The following PRKD2 variants were observed in gnomAD, a reference collection of about 807,000 sequenced individuals.
The protein encoded by PRKD2 is protein kinase D2.
A neutral mutation model predicts 86.0 loss-of-function variants in PRKD2; 22 were observed. The ratio of observed to expected loss-of-function variants is 0.26; its 90% CI spans 0.18 to 0.37. The LOEUF is 0.37. Among genes scored for constraint, PRKD2 ranks in the 10% least tolerant of loss-of-function variants. The pLI is 1.00. For missense variants in PRKD2, 818 were observed against 1,199.2 expected, an observed-to-expected ratio of 0.68 and a Z score of 4.70; for synonymous variants, 509 against 510.9, an observed-to-expected ratio of 1.00 and a Z score of 0.05.
chr19:46,708,125 A>G (rs1038832965), intron 3 of PRKD2, among the ~76,000 whole-genome samples: 6 of 151,978 alleles, frequency 3.9e-5, no homozygotes, highest in Non-Finnish European at 7.4e-5. Context: ...ATATTTTTAA[A>G]CTATGATTTA....
chr19:46,714,768 T>TG (rs1223383606), intron 1 of PRKD2, among the ~76,000 whole-genome samples: 1 of 152,174 alleles, frequency 6.6e-6, no homozygotes, highest in Non-Finnish European at 1.5e-5. Flanking sequence ...AGGGACAATC[T>TG]GCCCCCGTAC....
chr19:46,693,937 C>A lies in PRKD2; in HGVS notation c.1514G>T (p.Arg505Leu), dbSNP rs201530743. 15 of 1,610,904 alleles carry A rather than the reference C, an allele frequency of 9.3e-6. No individual in the cohort carries two copies. Among genetic ancestry groups the A allele is most frequent in the Non-Finnish European group, 1.2e-5 (14 of 1,179,712 alleles). Reference sequence around the variant, plus strand: ...AAGGATGACGGGCATCAGGGCCTGGCGGATGGCTGTCTCCCAGCCCCGGGC... The same window carrying A: ...AAGGATGACGGGCATCAGGGCCTGGAGGATGGCTGTCTCCCAGCCCCGGGC... ...EAARGWETAI[R>L]QALMPVILQD... Residue 505 changes from arginine to leucine, a missense_variant, in exon 10 of 18, where the codon CGC (arginine) becomes CTC (leucine). This residue lies in a region of PRKD2 where 127 missense variants were observed against 157.8 expected (regional missense o/e 0.80). Coordinates refer to ENST00000291281, the MANE Select transcript of PRKD2 (RefSeq NM_016457.5). The surrounding 1 kb of genome is among the most constrained non-coding windows in gnomAD (Gnocchi z 4.5).
intron 3 of PRKD2, chr19:46,709,391 T>C (rs1351799708): frequency 6.3e-6 from 1 of 159,740 alleles, no homozygotes. Flanking sequence ...GAGACAGAGT[T>C]TTGCTCTTGT....
At chr19:46,683,428 A>T (rs1250358747) in intron 14 of PRKD2, among the ~76,000 whole-genome samples, 1 of 152,122 alleles carries the variant, frequency 6.6e-6, no homozygotes, top group Non-Finnish European at 1.5e-5. Flanking sequence ...TTTCATCCTT[A>T]CAAAAAACTT....
At chr19:46,675,500 A>G (rs990964745) in intron 16 of PRKD2, among the ~76,000 whole-genome samples, 1 of 151,932 alleles carries the variant, frequency 6.6e-6, no homozygotes, top group Non-Finnish European at 1.5e-5. Flanking sequence ...CTGGAGTGCA[A>G]TGGCACGATC....
At position 46,674,531 on chromosome 19, in the gene PRKD2, C is replaced by T; in HGVS notation, c.2629G>A (p.Val877Ile). The part of the protein sequence containing the change: ...DMQGLAERIS[V>I]L Reference sequence around the variant, plus strand: ...GACGAGGGCACAGGACCTCAGAGAACACTGATGCGCTCCGCCAGCCCCTGC... The same window carrying T: ...GACGAGGGCACAGGACCTCAGAGAATACTGATGCGCTCCGCCAGCCCCTGC... Residue 877 changes from valine (V) to isoleucine (I), a missense_variant, in exon 18 of 18, where the codon GTT becomes ATT. Val to Ile is a conservative substitution (Grantham distance 29). Coordinates refer to ENST00000291281, the MANE Select transcript of PRKD2 (RefSeq NM_016457.5). The T allele has an allele frequency of 6.2e-7, 1 of 1,612,266 alleles. No individual in the cohort carries two copies. Among genetic ancestry groups the T allele is most frequent in the African/African-American group, 1.3e-5 (1 of 75,016 alleles).
chr19:46,705,374 CCT>C (rs932349817), intron 3 of PRKD2, among the ~76,000 whole-genome samples: 9 of 151,760 alleles, frequency 5.9e-5, no homozygotes, highest in African/African-American at 1.7e-4. Context: ...AAAGAAAATG[CCT>C]CTCCTCACCC....
intron 5 of PRKD2, among the ~76,000 whole-genome samples, chr19:46,701,428 C>G (rs1385935877): frequency 6.6e-6 from 1 of 151,732 alleles, no homozygotes; most frequent in Non-Finnish European, 1.5e-5. Flanking sequence ...CGAAACCAGC[C>G]TGCCCTACAT....
intron 16 of PRKD2, 119 bp from the exon 17 acceptor site, chr19:46,675,237 G>A: frequency 4.9e-6 from 4 of 815,844 alleles, no homozygotes; most frequent in Non-Finnish European, 8.0e-6. Flanking sequence ...AGCTCAGGTG[G>A]CTCAGAAGCC....
In PRKD2 at chr19:46,697,226, C is replaced by A; in HGVS notation, c.1248G>T (p.Arg416=). The change falls in exon 9 of 18, where the codon CGG becomes CGT. Residue 416 remains arginine (R), a synonymous_variant. Coordinates refer to ENST00000291281, the MANE Select transcript of PRKD2 (RefSeq NM_016457.5). The part of the protein sequence containing the change: ...HYSNKDTLRK[R]HYWRLDCKCI... ...ACTTGCAGTCCAGGCGCCAATAGTG[C>A]CGCTTTCTCTGCAGAGATGTTTGAA... The A allele has an allele frequency of 1.3e-6, 2 of 1,590,518 alleles. No homozygotes were observed. The highest frequency in any genetic ancestry group is 2.2e-5 in the East Asian group (1 of 44,736).
chr19:46,702,492 A>G (rs1422173362), intron 5 of PRKD2, among the ~76,000 whole-genome samples: 3 of 152,110 alleles, frequency 2.0e-5, no homozygotes, highest in Non-Finnish European at 2.9e-5. Context: ...GGGTTCTACA[A>G]TTCTAGGCTT....
At position 46,716,290 on chromosome 19, in the gene PRKD2, C is replaced by G; in HGVS notation, c.81G>C (p.Glu27Asp). 1 of 1,558,360 alleles carries G rather than the reference C, an allele frequency of 6.4e-7. No individual in the cohort carries two copies. Among genetic ancestry groups the G allele is most frequent in the East Asian group, 2.4e-5 (1 of 40,892 alleles). The change falls in exon 1 of 18, where the codon GAG becomes GAC. Residue 27 changes from glutamate (E) to aspartate (D), a missense_variant. Coordinates refer to ENST00000291281, the MANE Select transcript of PRKD2 (RefSeq NM_016457.5). This position sits in a 1 kb window ranked among gnomAD's most constrained non-coding sequence, Gnocchi z 7.9. ...PGSPPPPGGL[E>D]LQSPPPLLPQ... is the part of the protein sequence containing the mutation. Reference sequence around the variant, plus strand: ...GCAGTAGCGGTGGCGGCGACTGCAGCTCTAGGCCGCCGGGGGGCGGAGGAG... The same window carrying G: ...GCAGTAGCGGTGGCGGCGACTGCAGGTCTAGGCCGCCGGGGGGCGGAGGAG...
rs757479531 is a variant in PRKD2 at position 46,674,545 on chromosome 19, G to A, written c.2615C>T (p.Ala872Val). The change falls in exon 18 of 18, where the codon GCG (alanine) becomes GTG (valine). Residue 872 changes from alanine (A) to valine (V), a missense_variant. Physicochemically the swap from Ala to Val is moderately conservative, Grantham distance 64 (BLOSUM62 0). This residue lies in a region of PRKD2 where 132 missense variants were observed against 146.2 expected (regional missense o/e 0.90). Transcript: ENST00000291281. ...PPQDHDMQGLAERISVL is the reference protein window; with the variant it reads ...PPQDHDMQGLVERISVL Reference sequence around the variant, plus strand: ...ACCTCAGAGAACACTGATGCGCTCCGCCAGCCCCTGCATGTCGTGGTCCTG... The same window carrying A: ...ACCTCAGAGAACACTGATGCGCTCCACCAGCCCCTGCATGTCGTGGTCCTG... 8.1e-6 allele frequency: 13 copies of A among 1,612,824 alleles called. No homozygotes were observed. The highest frequency in any genetic ancestry group is 6.6e-5 in the South Asian group (6 of 91,008).
chr19:46,680,437 C>T (rs1432711392), intron 15 of PRKD2, among the ~76,000 whole-genome samples: 2 of 151,716 alleles, frequency 1.3e-5, no homozygotes, highest in Non-Finnish European at 2.9e-5. Flanking sequence ...TACAGGTTCC[C>T]GCCACCATGC....
At chr19:46,674,958 G>T in intron 17 of PRKD2, 75 bp downstream of exon 17, 1 of 1,404,920 alleles carries the variant, frequency 7.1e-7, no homozygotes, top group South Asian at 1.3e-5. Flanking sequence ...TTCACAACCT[G>T]CCTAGCCAAT....
chr19:46,681,862 CAG>C, intron 14 of PRKD2, 114 bp from the exon 15 acceptor site: 1 of 586,928 alleles, frequency 1.7e-6, no homozygotes, highest in Middle Eastern at 4.8e-4. Flanking sequence ...TTTTTTGAGA[CAG>C]AGTCTCGCTC....
At position 46,716,645 on chromosome 19, in the gene PRKD2, C is replaced by T. The variant is rs530758010; in HGVS notation, c.-275G>A. On this transcript the variant is annotated 5_prime_UTR_variant, in exon 1 of 18. Coordinates refer to ENST00000291281, the MANE Select transcript of PRKD2 (RefSeq NM_016457.5). This position sits in a 1 kb window ranked among gnomAD's most constrained non-coding sequence, Gnocchi z 7.9. ...GTTGGAGGTCCCAGCGATTGAGATTCCAAGAAGCCTGAGAGGAAATCTAGT... is the reference window on the plus strand; with the variant it reads ...GTTGGAGGTCCCAGCGATTGAGATTTCAAGAAGCCTGAGAGGAAATCTAGT... The T allele has an allele frequency of 3.2e-6, 1 of 313,062 alleles. No individual in the cohort carries two copies. The highest frequency in any genetic ancestry group is 2.2e-5 in the African/African-American group (1 of 46,338). The allele number at this position is 313,062 out of a possible 1,614,324, so 19.4% of individuals were successfully genotyped here.
At chr19:46,683,405 T>TA (rs2053343203) in intron 14 of PRKD2, among the ~76,000 whole-genome samples, 1 of 151,964 alleles carries the variant, frequency 6.6e-6, no homozygotes, top group Admixed American at 6.6e-5. Context: ...ATTTCATTTT[T>TA]AAAAAAAATA....
intron 14 of PRKD2, among the ~76,000 whole-genome samples, chr19:46,689,324 T>G (rs918637051): frequency 2.0e-5 from 3 of 152,022 alleles, no homozygotes; most frequent in Non-Finnish European, 4.4e-5. Context: ...GGTTTCACCA[T>G]GTTAGCCAGG....
Sources: gnomAD v4.1 joint callset for allele counts (sites outside exome capture counted in the v4.1 genomes callset) on GRCh38, gnomAD v4.1.1 for gene constraint, gnomAD v4.1.1 regional missense constraint, Gnocchi (gnomAD v3.1) non-coding constraint, MANE v1.5 for transcripts, NCBI Gene and HGNC (gene_info 2026-07-23, HGNC 2026-07-21) for gene names.